Variants in KAZN observed in about 807,000 individuals in gnomAD.
KAZN encodes the protein kazrin.
KAZN carries 40 observed loss-of-function variants against 87.4 expected under a neutral mutation model. That is an observed-to-expected ratio of 0.46 (90% CI 0.36 to 0.60). KAZN has a LOEUF of 0.60. Among genes scored for constraint, KAZN ranks in the 20% least tolerant of loss-of-function variants. KAZN has a pLI of 0.00. For missense variants in KAZN, 898 were observed against 1,073.9 expected (o/e 0.84, Z 2.29); for synonymous variants, 466 against 458.3 (o/e 1.02, Z -0.22).
chr1:14,478,159 A>T (rs1668857844), intron 2 of KAZN, among the ~76,000 whole-genome samples: 1 of 152,006 alleles, frequency 6.6e-6, no homozygotes. Context: ...GACAAGAAAA[A>T]TCCCTAGGAC....
intron 2 of KAZN, among the ~76,000 whole-genome samples, chr1:14,423,096 C>A (rs1557711507): frequency 6.6e-6 from 1 of 152,124 alleles, no homozygotes; most frequent in Non-Finnish European, 1.5e-5. Context: ...ATCCGAAGGC[C>A]CTGTCTACTT....
chr1:14,933,948 C>CG (rs1244796654), intron 1 of KAZN, among the ~76,000 whole-genome samples: 2 of 147,922 alleles, frequency 1.4e-5, no homozygotes, highest in Non-Finnish European at 3.0e-5. Flanking sequence ...CCCGGGTTCA[C>CG]GCCATTCTCC....
At chr1:15,037,748 G>A (rs957748284) in intron 3 of KAZN, among the ~76,000 whole-genome samples, 1 of 152,098 alleles carries the variant, frequency 6.6e-6, no homozygotes, top group Non-Finnish European at 1.5e-5. Context: ...CGAAGGCCCC[G>A]GGTGGGCAGG....
chr1:14,481,012 A>C (rs1366468438), intron 2 of KAZN, among the ~76,000 whole-genome samples: 1 of 151,342 alleles, frequency 6.6e-6, no homozygotes, highest in African/African-American at 2.4e-5. Context: ...ATGACTATAC[A>C]CTTGATCAGT....
intron 4 of KAZN, among the ~76,000 whole-genome samples, chr1:15,053,872 C>T (rs74695358): frequency 2.6e-5 from 4 of 152,274 alleles, no homozygotes; most frequent in Non-Finnish European, 2.9e-5. Context: ...TTAGCCTCTG[C>T]GGTATGGATT....
chr1:15,044,012 G>A lies in KAZN; in HGVS notation c.579G>A (p.Ala193=), dbSNP rs200595055. The A allele has an allele frequency of 6.6e-5, 107 of 1,611,430 alleles. No homozygotes were observed. The highest frequency in any genetic ancestry group is 5.8e-4 in the East Asian group (26 of 44,826). The change falls in exon 4 of 15, where the codon GCG becomes GCA. Residue 193 remains alanine, a synonymous_variant. Transcript: ENST00000376030. Reference sequence around the variant, plus strand: ...AGGAGAGCGAGGATGCGGTCAAAGCGCTGGCCAAGGAGAAGGACCTGCTGG... The same window carrying A: ...AGGAGAGCGAGGATGCGGTCAAAGCACTGGCCAAGGAGAAGGACCTGCTGG... The part of the protein sequence containing the change: ...HRKESEDAVK[A]LAKEKDLLER...
Position 15,032,696 on chromosome 1 carries a change from C to G in KAZN, c.419-2053C>G, listed in dbSNP as rs184195047. Among the ~76,000 whole-genome samples the G allele has an allele frequency of 3.3e-3, 500 of 152,094 alleles. 4 individuals are homozygous for G. Among genetic ancestry groups the G allele is most frequent in the Non-Finnish European group, 5.4e-3 (365 of 67,988 alleles). On this transcript the variant is annotated intron_variant, in intron 2 of 14. Transcript: ENST00000376030. ...AGGCACTGTGGCTCATGCCTGTAAT[C>G]CCAGCACTTTGAGAAGCTGAGGCAG...
At chr1:14,903,916 C>T (rs1027607200) in intron 1 of KAZN, among the ~76,000 whole-genome samples, 3 of 152,150 alleles carry the variant, frequency 2.0e-5, no homozygotes, top group African/African-American at 7.2e-5. Flanking sequence ...ACAAATAAAG[C>T]CCCAGGATGA....
chr1:15,080,415 G>A (rs926954193), intron 8 of KAZN, among the ~76,000 whole-genome samples: 1 of 152,018 alleles, frequency 6.6e-6, no homozygotes, highest in Non-Finnish European at 1.5e-5. Context: ...TGGTGGCAGG[G>A]CCCCTGCCAC....
chr1:14,976,910 C>T (rs1212860077), intron 2 of KAZN, among the ~76,000 whole-genome samples: 1 of 152,100 alleles, frequency 6.6e-6, no homozygotes, highest in Non-Finnish European at 1.5e-5. Context: ...AAAAAATTAG[C>T]CAGGTGTGGT....
chr1:14,187,466 T>C (rs1026755127), intron 2 of KAZN, among the ~76,000 whole-genome samples: 8 of 152,196 alleles, frequency 5.3e-5, no homozygotes, highest in African/African-American at 1.9e-4. Flanking sequence ...TATCTCATTT[T>C]CTTCATGATG....
intron 2 of KAZN, among the ~76,000 whole-genome samples, chr1:14,274,054 G>A (rs1000249990): frequency 6.6e-6 from 1 of 152,126 alleles, no homozygotes. Flanking sequence ...CAGGGTACCC[G>A]TGCTAGGACA....
At chr1:14,889,802 T>G (rs1654502252) in intron 1 of KAZN, among the ~76,000 whole-genome samples, 1 of 152,254 alleles carries the variant, frequency 6.6e-6, no homozygotes, top group Non-Finnish European at 1.5e-5. Context: ...AATAAAATGT[T>G]ACTGGATCAC....
intron 1 of KAZN, among the ~76,000 whole-genome samples, chr1:13,944,758 T>C (rs1454951747): frequency 1.3e-5 from 2 of 152,166 alleles, no homozygotes; most frequent in Admixed American, 1.3e-4. Context: ...ACTAGAGGGA[T>C]AATTGTAATT....
chr1:14,063,402 C>CCAAG (rs1362991162), intron 1 of KAZN, among the ~76,000 whole-genome samples: 3 of 152,028 alleles, frequency 2.0e-5, no homozygotes, highest in African/African-American at 7.3e-5. Context: ...GACTTTCAGC[C>CCAAG]CAAGGCATAC....
intron 1 of KAZN, among the ~76,000 whole-genome samples, chr1:14,019,867 G>T (rs1182766687): frequency 6.6e-6 from 1 of 152,104 alleles, no homozygotes; most frequent in African/African-American, 2.4e-5. Context: ...TCCATGGATG[G>T]CTGTCGGGGG....
At chr1:14,709,234 C>T (rs1010580079) in intron 1 of KAZN, among the ~76,000 whole-genome samples, 7 of 152,282 alleles carry the variant, frequency 4.6e-5, no homozygotes, top group East Asian at 1.9e-4. Flanking sequence ...AGTCTCACTC[C>T]GGAGCCCAAA....
At chr1:14,986,155 T>G (rs1424416849) in intron 2 of KAZN, among the ~76,000 whole-genome samples, 1 of 151,206 alleles carries the variant, frequency 6.6e-6, no homozygotes, top group African/African-American at 2.5e-5. Context: ...GAAAAAGCCA[T>G]GAAAACCATT....
At chr1:14,464,948 TTC>T (rs61160422) in intron 2 of KAZN, among the ~76,000 whole-genome samples, 10,782 of 152,172 alleles carry the variant, frequency 0.071, 896 homozygotes, top group African/African-American at 0.2. Flanking sequence ...ACACAGTGAC[TTC>T]ACATAACCAG....
Sources: allele counts gnomAD v4.1 joint callset (sites outside exome capture counted in the v4.1 genomes callset), GRCh38; gene constraint gnomAD v4.1.1; transcripts MANE v1.5; gene names NCBI Gene and HGNC (gene_info 2026-07-23, HGNC 2026-07-21).